Variants in USP48 observed in about 807,000 individuals in gnomAD.
USP48 encodes ubiquitin carboxyl-terminal hydrolase 48.
In USP48, 43 loss-of-function variants were observed where a neutral mutation model predicts 150.7. The observed-to-expected ratio is 0.29, with a 90% CI of 0.22 to 0.37. The LOEUF is 0.37. Ranked by LOEUF, USP48 falls within the 10% of genes least tolerant of loss-of-function variation. The pLI is 1.00. For missense variants in USP48, 813 were observed against 1,249.6 expected (o/e 0.65, Z 5.27); for synonymous variants, 396 against 425.9 (o/e 0.93, Z 0.86).
Position 21,752,643 on chromosome 1 carries a change from T to C in USP48, c.549A>G (p.Gln183=). ...GAGACATAAAGAGCTTTGAAAATTC[T>C]TGAGCATCCTACAAGTTTAGGTTAA... The part of the protein sequence containing the change: ...GLDTGQQQDA[Q]EFSKLFMSLL... The change falls in exon 5 of 27, where the codon CAA becomes CAG. Residue 183 remains glutamine, a synonymous_variant. Transcript: ENST00000308271. 4 of 1,595,302 alleles carry C rather than the reference T, an allele frequency of 2.5e-6. No individual in the cohort carries two copies. Among genetic ancestry groups the C allele is most frequent in the African/African-American group, 1.4e-5 (1 of 73,734 alleles).
At chr1:21,768,857 C>A (rs926144389) in intron 1 of USP48, among the ~76,000 whole-genome samples, 4 of 152,010 alleles carry the variant, frequency 2.6e-5, no homozygotes, top group Non-Finnish European at 5.9e-5. Context: ...TGTGGTGCAG[C>A]AGTAAAATCA....
chr1:21,754,816 T>C (rs774772268), intron 3 of USP48, among the ~76,000 whole-genome samples: 1 of 152,110 alleles, frequency 6.6e-6, no homozygotes, highest in Admixed American at 6.6e-5. Flanking sequence ...GGTGACTCTG[T>C]AGGGGGTTCC....
intron 1 of USP48, among the ~76,000 whole-genome samples, chr1:21,778,781 C>T (rs1015870127): frequency 1.3e-5 from 2 of 149,906 alleles, no homozygotes; most frequent in African/African-American, 2.5e-5. Flanking sequence ...GACGGAGTCT[C>T]GTTCTGTCAC....
chr1:21,729,800 T>G lies in USP48; in HGVS notation c.1204A>C (p.Lys402Gln), dbSNP rs1228079376. The G allele has an allele frequency of 6.2e-7, 1 of 1,614,004 alleles. No individual in the cohort carries two copies. The highest frequency in any genetic ancestry group is 8.5e-7 in the Non-Finnish European group (1 of 1,179,990). ...GAGCAATGAGTTCCTTTGCCACACT[T>G]GGGTTTACGTGTCTGAGACTTAGAA... ...EPSKSQTRKP[K>Q]CGKGTHCSRN... The change falls in exon 10 of 27, where the codon AAG becomes CAG. Residue 402 changes from lysine (K) to glutamine (Q), a missense_variant. Physicochemically the swap from Lys to Gln is moderately conservative, Grantham distance 53 (BLOSUM62 1). Transcript: ENST00000308271.
intron 9 of USP48, among the ~76,000 whole-genome samples, chr1:21,732,230 G>T (rs1446862687): frequency 1.3e-5 from 2 of 151,844 alleles, no homozygotes; most frequent in Non-Finnish European, 2.9e-5. Context: ...GGTGGGCCAA[G>T]ATAGCACCAC....
chr1:21,775,852 A>T lies in USP48; in HGVS notation c.134+6972T>A, dbSNP rs139751992. The stretch of plus-strand genomic sequence containing the variant: ...GAGCCCAGGAGTTTGAGACCAGCCT[A>T]AGCAACATAGTAAGACCCCGTCTCA... On this transcript the variant is annotated intron_variant, in intron 1 of 26. Transcript: ENST00000308271. Among the ~76,000 whole-genome samples the T allele has an allele frequency of 5.5e-3, 842 of 152,166 alleles. 5 individuals carry two copies. The highest frequency in any genetic ancestry group is 0.024 in the Middle Eastern group (7 of 294).
chr1:21,768,477 A>T (rs1283320870), intron 1 of USP48: 1 of 152,352 alleles, frequency 6.6e-6, no homozygotes, highest in African/African-American at 2.4e-5. Flanking sequence ...CTAGACCTCA[A>T]CTGTGACAGG....
Position 21,751,655 on chromosome 1 carries a change from G to GAAA in USP48, c.666-43_666-41dup, listed in dbSNP as rs762082662. The stretch of plus-strand genomic sequence containing the variant: ...AACGACAAAATTCAGATCAGAGTGT[G>GAAA]AAAAGCAACAAAGTTATATTGTATT... On this transcript the variant is annotated intron_variant, in intron 5 of 26. Transcript: ENST00000308271. 2.0e-6 allele frequency: 3 copies of GAAA among 1,490,960 alleles called. No individual in the cohort carries two copies. In the African/African-American group the frequency reaches 4.1e-5, roughly 21 times the overall value. 92.4% of individuals were successfully genotyped at this position (1,490,960 alleles called of 1,614,324 possible).
chr1:21,762,738 C>T (rs920846978), intron 1 of USP48, among the ~76,000 whole-genome samples: 6 of 151,806 alleles, frequency 4.0e-5, no homozygotes, highest in African/African-American at 7.3e-5. Flanking sequence ...TGGTGGCAGG[C>T]GCCTGTAATC....
chr1:21,741,793 CAG>C (rs1477904686), intron 8 of USP48, among the ~76,000 whole-genome samples: 1 of 151,992 alleles, frequency 6.6e-6, no homozygotes, highest in African/African-American at 2.4e-5. Context: ...CTGGGCAACA[CAG>C]AGAGACCCAG....
intron 8 of USP48, among the ~76,000 whole-genome samples, chr1:21,743,877 C>T (rs769787322): frequency 2.6e-5 from 4 of 151,934 alleles, no homozygotes; most frequent in Non-Finnish European, 4.4e-5. Flanking sequence ...GAAACTTCAA[C>T]TATAGAAGGA....
chr1:21,746,941 G>T, intron 8 of USP48, 126 bp downstream of exon 8: 1 of 657,366 alleles, frequency 1.5e-6, no homozygotes. Flanking sequence ...TTCCCAGACA[G>T]AGGTTCCCAG....
intron 1 of USP48, among the ~76,000 whole-genome samples, chr1:21,770,446 T>C (rs2097876283): frequency 1.3e-5 from 2 of 150,950 alleles, no homozygotes; most frequent in Admixed American, 1.3e-4. Flanking sequence ...ATGGGACAGA[T>C]AAATTTCTTT....
chr1:21,762,193 GA>G (rs2097851576), intron 1 of USP48, among the ~76,000 whole-genome samples: 1 of 152,148 alleles, frequency 6.6e-6, no homozygotes, highest in African/African-American at 2.4e-5. Flanking sequence ...CTTGAACCAG[GA>G]AGGCAGGGTT....
In USP48 at chr1:21,705,740, C is replaced by T. The variant is rs1571782414; in HGVS notation, c.2371G>A (p.Glu791Lys). 6.2e-7 allele frequency: 1 copy of T among 1,604,406 alleles called. No individual in the cohort carries two copies. Among genetic ancestry groups the T allele is most frequent in the Non-Finnish European group, 8.5e-7 (1 of 1,177,200 alleles). ...GAAGGAACTCACAGTTTAGAATCTT[C>T]TTTGGTCATGGAAGCAAATGTAAAC... ...LMFTFASMTK[E>K]DSKLIALIWP... Residue 791 changes from glutamate to lysine, a missense_variant, in exon 19 of 27, where the codon GAA becomes AAA. By Grantham distance (56) the Glu-to-Lys change is moderately conservative. Transcript: ENST00000308271.
At chr1:21,701,454 G>C (rs1187351168) in intron 22 of USP48, 44 bp downstream of exon 22, 1 of 1,547,366 alleles carries the variant, frequency 6.5e-7, no homozygotes, top group Non-Finnish European at 8.9e-7. Context: ...TGCTCTATAA[G>C]AACAGCAGAA....
intron 10 of USP48, among the ~76,000 whole-genome samples, chr1:21,729,485 CAT>C (rs1488350603): frequency 6.6e-6 from 1 of 152,130 alleles, no homozygotes; most frequent in Non-Finnish European, 1.5e-5. Context: ...ACTTTAAATA[CAT>C]GTTTTGATTA....
intron 8 of USP48, among the ~76,000 whole-genome samples, chr1:21,737,097 A>G (rs2097770402): frequency 6.6e-6 from 1 of 152,266 alleles, no homozygotes; most frequent in Non-Finnish European, 1.5e-5. Flanking sequence ...ACGGCAAGTC[A>G]TGAAAATTTG....
intron 22 of USP48, among the ~76,000 whole-genome samples, chr1:21,699,333 G>C (rs1277785787): frequency 1.3e-5 from 2 of 150,944 alleles, no homozygotes; most frequent in African/African-American, 2.4e-5. Flanking sequence ...CGAGTAGCTG[G>C]GACTACAGGT....
Sources: allele counts gnomAD v4.1 joint callset (sites outside exome capture counted in the v4.1 genomes callset), GRCh38; gene constraint gnomAD v4.1.1; transcripts MANE v1.5; gene names NCBI Gene and HGNC (gene_info 2026-07-23, HGNC 2026-07-21).